Variants in ANXA4 observed in about 807,000 individuals in gnomAD.
ANXA4 encodes the protein 35-beta calcimedin.
ANXA4 carries 39 observed loss-of-function variants against 49.8 expected under a neutral mutation model. The ratio of observed to expected loss-of-function variants is 0.78; its 90% confidence interval spans 0.61 to 1.02. The LOEUF is 1.02. ANXA4 is among the 50% of genes least tolerant of loss of function. ANXA4 has a pLI of 0.00. For synonymous variants in ANXA4, 134 were observed against 152.5 expected, an observed-to-expected ratio of 0.88 and a Z score of 0.89; for missense variants, 360 against 410.1, an observed-to-expected ratio of 0.88 and a Z score of 1.05.
intron 2 of ANXA4, among the ~76,000 whole-genome samples, chr2:69,696,061 A>G (rs1216431529): frequency 6.6e-6 from 1 of 152,134 alleles, no homozygotes; most frequent in Admixed American, 6.5e-5. Context: ...AAATAATACA[A>G]TGAAATTTGC....
chr2:69,803,581 C>G (rs894656106), intron 3 of ANXA4: 6 of 152,188 alleles, frequency 3.9e-5, no homozygotes, highest in African/African-American at 1.4e-4. Flanking sequence ...GATGTTGTAT[C>G]ATGGTAATTT....
chr2:69,718,828 A>G (rs1397120796), intron 2 of ANXA4, among the ~76,000 whole-genome samples: 1 of 152,084 alleles, frequency 6.6e-6, no homozygotes, highest in Non-Finnish European at 1.5e-5. Flanking sequence ...ACACATGCAC[A>G]CACATATACA....
chr2:69,757,258 A>G (rs1174122720), intron 1 of ANXA4, among the ~76,000 whole-genome samples: 1 of 42,886 alleles, frequency 2.3e-5, no homozygotes, highest in Non-Finnish European at 3.8e-5. Context: ...ATATATATAT[A>G]TATATATATT....
At chr2:69,814,740 AGG>A in intron 8 of ANXA4, 1 of 141,338 alleles carries the variant, frequency 7.1e-6, no homozygotes, top group East Asian at 2.0e-4. Context: ...AGAGACACAG[AGG>A]GGTGTGTGTG....
chr2:69,794,402 C>T (rs1672827913), intron 3 of ANXA4, among the ~76,000 whole-genome samples: 1 of 152,174 alleles, frequency 6.6e-6, no homozygotes, highest in Admixed American at 6.5e-5. Flanking sequence ...TTGAGCTGGA[C>T]CTCAAGCCTT....
chr2:69,730,931 C>A (rs1670079828), intron 3 of ANXA4, among the ~76,000 whole-genome samples: 1 of 152,192 alleles, frequency 6.6e-6, no homozygotes, highest in Non-Finnish European at 1.5e-5. Flanking sequence ...GGAAGTGCTG[C>A]TGGGTAAGGC....
At chr2:69,825,317 C>T in intron 12 of ANXA4, 139 bp from the exon 13 acceptor site, 1 of 675,546 alleles carries the variant, frequency 1.5e-6, no homozygotes, top group Non-Finnish European at 2.6e-6. Flanking sequence ...ATAAGTATTA[C>T]CTTCGTAATA....
intron 3 of ANXA4, among the ~76,000 whole-genome samples, chr2:69,734,138 G>C (rs190645262): frequency 6.6e-6 from 1 of 152,280 alleles, no homozygotes; most frequent in East Asian, 1.9e-4. Flanking sequence ...CCCTGGCAAA[G>C]TTTCTTCTCA....
chr2:69,745,996 G>A (rs1198484214), intron 1 of ANXA4, among the ~76,000 whole-genome samples: 1 of 151,906 alleles, frequency 6.6e-6, no homozygotes, highest in Non-Finnish European at 1.5e-5. Flanking sequence ...CTCAAGGATA[G>A]TTCTTTTGTT....
chr2:69,699,792 G>T (rs1425382681), intron 2 of ANXA4, among the ~76,000 whole-genome samples: 1 of 152,236 alleles, frequency 6.6e-6, no homozygotes, highest in Admixed American at 6.5e-5. Context: ...CAAGACTGCA[G>T]CTTTGAGGCT....
chr2:69,759,261 T>G, intron 1 of ANXA4, among the ~76,000 whole-genome samples: 1 of 152,268 alleles, frequency 6.6e-6, no homozygotes, highest in South Asian at 2.1e-4. Context: ...ATATGGTGAT[T>G]GTATAAAATA....
chr2:69,743,570 G>C (rs1421869025), intron 1 of ANXA4, among the ~76,000 whole-genome samples: 1 of 152,180 alleles, frequency 6.6e-6, no homozygotes, highest in Non-Finnish European at 1.5e-5. Flanking sequence ...AGGTGGAAGA[G>C]CAAGTAGGAG....
intron 2 of ANXA4, among the ~76,000 whole-genome samples, chr2:69,698,379 T>A (rs1678224100): frequency 6.6e-6 from 1 of 152,060 alleles, no homozygotes; most frequent in Non-Finnish European, 1.5e-5. Context: ...CCGCAGAAAT[T>A]TATGGAGCTA....
At chr2:69,737,523 T>A (rs1199047384), upstream of ANXA4, among the ~76,000 whole-genome samples, 1 of 152,202 alleles carries the variant, frequency 6.6e-6, no homozygotes, top group Admixed American at 6.5e-5. Context: ...TTCTACTCAG[T>A]TTTTTATTTT....
intron 1 of ANXA4, among the ~76,000 whole-genome samples, chr2:69,742,581 A>G (rs1670442066): frequency 6.6e-6 from 1 of 152,160 alleles, no homozygotes; most frequent in African/African-American, 2.4e-5. Context: ...TCTTTACTCC[A>G]TTTAAGAAAC....
At chr2:69,702,398 C>G (rs1438737245) in intron 2 of ANXA4, among the ~76,000 whole-genome samples, 1 of 152,012 alleles carries the variant, frequency 6.6e-6, no homozygotes, top group African/African-American at 2.4e-5. Context: ...TCTGTGTACC[C>G]ATTACCAAGT....
At chr2:69,801,186 G>A (rs1673177530) in intron 3 of ANXA4, among the ~76,000 whole-genome samples, 1 of 152,114 alleles carries the variant, frequency 6.6e-6, no homozygotes, top group East Asian at 1.9e-4. Flanking sequence ...AAGGGAAGGT[G>A]GAGTTTCCAT....
chr2:69,649,176 G>T (rs192861467), intron 1 of ANXA4, among the ~76,000 whole-genome samples: 1 of 152,068 alleles, frequency 6.6e-6, no homozygotes, highest in Non-Finnish European at 1.5e-5. Context: ...GTGAGCCACC[G>T]CGCCCAGCCT....
At chr2:69,687,603 T>C (rs931972521) in intron 2 of ANXA4, among the ~76,000 whole-genome samples, 1 of 152,200 alleles carries the variant, frequency 6.6e-6, no homozygotes, top group Non-Finnish European at 1.5e-5. Flanking sequence ...AAGGCAATCC[T>C]GCAGAATATG....
Sources: gnomAD v4.1 joint callset for allele counts (sites outside exome capture counted in the v4.1 genomes callset) on GRCh38, gnomAD v4.1.1 for gene constraint, MANE v1.5 for transcripts, NCBI Gene and HGNC (gene_info 2026-07-23, HGNC 2026-07-21) for gene names.